The following KANSL1 variants were observed in gnomAD, a reference collection of about 807,000 sequenced individuals.
The protein encoded by KANSL1 is KAT8 regulatory NSL complex subunit 1, also known as MLL1/MLL complex subunit KANSL1.
A neutral mutation model predicts 103.6 loss-of-function variants in KANSL1; 22 were observed. The observed-to-expected ratio is 0.21, with a 90% CI of 0.15 to 0.30. The LOEUF (loss-of-function observed/expected upper bound fraction) is 0.30. Among genes scored for constraint, KANSL1 ranks in the 10% least tolerant of loss-of-function variants. The pLI is 1.00. For synonymous variants in KANSL1, 600 were observed against 527.6 expected, an observed-to-expected ratio of 1.14 and a Z score of -1.88; for missense variants, 1,337 against 1,399.8, an observed-to-expected ratio of 0.96 and a Z score of 0.72.
At chr17:46,139,625 G>A (rs1182246068) in intron 2 of KANSL1, among the ~76,000 whole-genome samples, 1 of 152,186 alleles carries the variant, frequency 6.6e-6, no homozygotes, top group Non-Finnish European at 1.5e-5. Context: ...TAAGCCTTGT[G>A]ACCTCGGGAA....
At chr17:46,147,935 T>A (rs903450512) in intron 2 of KANSL1, among the ~76,000 whole-genome samples, 1 of 152,222 alleles carries the variant, frequency 6.6e-6, no homozygotes, top group Non-Finnish European at 1.5e-5. Flanking sequence ...GTATTTAGGG[T>A]AGAAATAACC....
intron 4 of KANSL1, among the ~76,000 whole-genome samples, chr17:46,073,364 T>C (rs2078644778): frequency 6.6e-6 from 1 of 152,194 alleles, no homozygotes; most frequent in Non-Finnish European, 1.5e-5. Context: ...AATAATGTGT[T>C]ACTTGTTAAT....
chr17:46,059,647 A>AAAAAAAGAGAGAG (rs541946204), intron 6 of KANSL1, among the ~76,000 whole-genome samples: 5 of 54,872 alleles, frequency 9.1e-5, no homozygotes, highest in East Asian at 7.0e-4. Flanking sequence ...AAAAAAAAAA[A>AAAAAAAGAGAGAG]AGAGAGAGAG....
chr17:46,065,543 T>C (rs1360707401), intron 6 of KANSL1, among the ~76,000 whole-genome samples: 3 of 152,156 alleles, frequency 2.0e-5, no homozygotes, highest in Admixed American at 6.5e-5. Flanking sequence ...ATATATTTCA[T>C]TGAACCCTCA....
At chr17:46,112,932 G>T (rs549011756) in intron 2 of KANSL1, among the ~76,000 whole-genome samples, 21 of 152,134 alleles carry the variant, frequency 1.4e-4, no homozygotes, top group Non-Finnish European at 3.1e-4. Flanking sequence ...TGTTGGTCAG[G>T]GTGGTCTTGA....
At chr17:46,105,947 A>ACACACACACCCCC (rs1396276906) in intron 2 of KANSL1, among the ~76,000 whole-genome samples, 3 of 57,778 alleles carry the variant, frequency 5.2e-5, no homozygotes, top group African/African-American at 2.0e-4. Flanking sequence ...ACACACACAC[A>ACACACACACCCCC]CCCCCCCAGA....
At chr17:46,194,006 G>A (rs944629506), upstream of KANSL1, 10 of 154,646 alleles carry the variant, frequency 6.5e-5, no homozygotes, top group Non-Finnish European at 1.2e-4. Context: ...ACTGCAGCAC[G>A]GCTGGGCACT....
chr17:46,192,106 C>T (rs2047362009), intron 1 of KANSL1, among the ~76,000 whole-genome samples: 1 of 152,192 alleles, frequency 6.6e-6, no homozygotes, highest in Admixed American at 6.5e-5. Context: ...TTAAGTAGCA[C>T]GTTTCTCTAT....
chr17:46,217,829 G>A (rs544595138), intron 1 of KANSL1, among the ~76,000 whole-genome samples: 4 of 152,148 alleles, frequency 2.6e-5, no homozygotes, highest in Admixed American at 6.5e-5. Flanking sequence ...GTTCAAGACC[G>A]GCCTGGGCAA....
intron 6 of KANSL1, 32 bp downstream of exon 6, chr17:46,066,505 C>T: frequency 6.4e-7 from 1 of 1,555,962 alleles, no homozygotes; most frequent in Non-Finnish European, 8.7e-7. Context: ...TGGCTCACTG[C>T]TTGACAATGA....
intron 1 of KANSL1, among the ~76,000 whole-genome samples, chr17:46,216,191 C>T (rs893807728): frequency 2.0e-5 from 3 of 152,172 alleles, no homozygotes; most frequent in Non-Finnish European, 4.4e-5. Flanking sequence ...GGCATATAGA[C>T]GGCAAGTGAG....
At chr17:46,148,322 C>G (rs1410307413) in intron 2 of KANSL1, 1 of 152,184 alleles carries the variant, frequency 6.6e-6, no homozygotes, top group South Asian at 2.1e-4. Context: ...AGTTCTGTCA[C>G]ATTTTAAGGA....
At chr17:46,136,292 G>A (rs1313122737) in intron 2 of KANSL1, among the ~76,000 whole-genome samples, 1 of 152,124 alleles carries the variant, frequency 6.6e-6, no homozygotes, top group East Asian at 1.9e-4. Flanking sequence ...TACCTTCCTT[G>A]ATCAAAACTC....
chr17:46,038,544 G>A lies in KANSL1; in HGVS notation c.2535C>T (p.Ser845=). The A allele has an allele frequency of 6.2e-7, 1 of 1,614,046 alleles. No homozygotes were observed. The highest frequency in any genetic ancestry group is 8.5e-7 in the Non-Finnish European group (1 of 1,179,956). Residue 845 remains serine, a synonymous_variant, in exon 10 of 15, where the codon AGC becomes AGT. Transcript: ENST00000432791. Reference sequence around the variant, plus strand: ...ACCCCACACAGGTACTTACCGATGTGCTGGCTGTAACCTGTGAGCTAGAGC... The same window carrying A: ...ACCCCACACAGGTACTTACCGATGTACTGGCTGTAACCTGTGAGCTAGAGC... The part of the protein sequence containing the change: ...PASSSSQVTA[S]TSQQPVRRRR...
chr17:46,098,715 G>C (rs577023727), intron 2 of KANSL1, among the ~76,000 whole-genome samples: 72 of 152,328 alleles, frequency 4.7e-4, no homozygotes, highest in African/African-American at 1.6e-3. Context: ...TTTTACAAGT[G>C]TATCTGTGAT....
intron 3 of KANSL1, among the ~76,000 whole-genome samples, chr17:46,092,713 T>C (rs866030514): frequency 2.5e-5 from 1 of 40,222 alleles, no homozygotes; most frequent in Non-Finnish European, 5.2e-5. Flanking sequence ...TTTTTTTTTT[T>C]TTGGGGGGGG....
intron 2 of KANSL1, among the ~76,000 whole-genome samples, chr17:46,126,119 G>C (rs1039393258): frequency 3.3e-5 from 5 of 152,016 alleles, no homozygotes; most frequent in African/African-American, 1.2e-4. Flanking sequence ...AGTCGGCCGG[G>C]CACAGTGTAA....
intron 1 of KANSL1, among the ~76,000 whole-genome samples, chr17:46,188,403 T>C (rs2047133447): frequency 6.6e-6 from 1 of 152,244 alleles, no homozygotes; most frequent in Non-Finnish European, 1.5e-5. Flanking sequence ...ATACGCAACT[T>C]ATCAGCATAG....
At chr17:46,080,521 G>A (rs2146806396) in intron 4 of KANSL1, among the ~76,000 whole-genome samples, 1 of 151,520 alleles carries the variant, frequency 6.6e-6, no homozygotes, top group African/African-American at 2.4e-5. Flanking sequence ...AAAACCTGGG[G>A]AACAAACAAG....
Sources: gnomAD v4.1 joint callset for allele counts (sites outside exome capture counted in the v4.1 genomes callset) on GRCh38, gnomAD v4.1.1 for gene constraint, MANE v1.5 for transcripts, NCBI Gene and HGNC (gene_info 2026-07-23, HGNC 2026-07-21) for gene names.